The following PHLPP1 variants were observed in gnomAD, a reference collection of about 807,000 sequenced individuals.
The protein encoded by PHLPP1 is PH domain leucine-rich repeat-containing protein phosphatase 1.
PHLPP1 carries 42 observed loss-of-function variants against 117.2 expected under a neutral mutation model. That is an observed-to-expected ratio of 0.36 (90% confidence interval 0.28 to 0.46). The LOEUF is 0.46. Ranked by LOEUF, PHLPP1 falls within the 20% of genes least tolerant of loss-of-function variation. PHLPP1 has a pLI of 1.00. For missense variants in PHLPP1, 2,084 were observed against 2,241.9 expected (o/e 0.93, Z 1.42); for synonymous variants, 1,042 against 970.7 (o/e 1.07, Z -1.37).
In PHLPP1 at chr18:62,789,625, C is replaced by T. The variant is rs539779526; in HGVS notation, c.1577-40410C>T. The stretch of plus-strand genomic sequence containing the variant: ...TCTCACACAGCACAAACCTTCTGCA[C>T]CCTGATGCCTAGTCTCCAGGTACCA... On this transcript the variant is annotated intron_variant, in intron 1 of 16. Transcript: ENST00000262719. Among the ~76,000 whole-genome samples the T allele has an allele frequency of 8.5e-5, 13 of 152,188 alleles. No individual in the cohort carries two copies. In the East Asian group the frequency reaches 2.5e-3, roughly 29 times the overall value.
intron 3 of PHLPP1, among the ~76,000 whole-genome samples, chr18:62,859,876 G>A (rs991437553): frequency 3.3e-5 from 5 of 152,124 alleles, no homozygotes; most frequent in African/African-American, 7.2e-5. Context: ...ATACCCTCCA[G>A]GCAGGGACAT....
chr18:62,770,906 A>G (rs185918680), intron 1 of PHLPP1, among the ~76,000 whole-genome samples: 14 of 152,218 alleles, frequency 9.2e-5, no homozygotes, highest in Admixed American at 9.2e-4. Context: ...CAAAGATGGT[A>G]TATACATTGA....
Position 62,717,275 on chromosome 18 carries a change from G to T in PHLPP1, c.1576+16G>T. The T allele has an allele frequency of 6.5e-7, 1 of 1,542,426 alleles. No homozygotes were observed. Among genetic ancestry groups the T allele is most frequent in the Non-Finnish European group, 8.8e-7 (1 of 1,142,582 alleles). On this transcript the variant is annotated intron_variant, in intron 1 of 16. Coordinates refer to ENST00000262719, the MANE Select transcript of PHLPP1 (RefSeq NM_194449.4). ...TTCTATGCAGGTAAGGAAGTCACCT[G>T]CCTTGACGGGTGGTTGCAAAAGCTG...
rs73478171 is a variant in PHLPP1, at chr18:62,953,389, C to T, written c.3325-5240C>T. Among the ~76,000 whole-genome samples, 708 of 152,264 alleles carry T rather than the reference C, an allele frequency of 4.6e-3. 8 individuals are homozygous for T. The highest frequency in any genetic ancestry group is 0.016 in the African/African-American group (681 of 41,550). On this transcript the variant is annotated intron_variant, in intron 12 of 16. Transcript: ENST00000262719. ...TATTCTTGTCTCCTTCCTGCTGTACCTGCTATTAGCTCTCTCTAGATGTCC... is the reference window on the plus strand; with the variant it reads ...TATTCTTGTCTCCTTCCTGCTGTACTTGCTATTAGCTCTCTCTAGATGTCC...
chr18:62,809,004 G>T (rs1018217138), intron 1 of PHLPP1, among the ~76,000 whole-genome samples: 3 of 152,118 alleles, frequency 2.0e-5, no homozygotes, highest in South Asian at 2.1e-4. Context: ...CTACTGCCAG[G>T]TATAGAGATG....
intron 1 of PHLPP1, among the ~76,000 whole-genome samples, chr18:62,805,833 C>T (rs554664940): frequency 3.8e-4 from 57 of 151,036 alleles, no homozygotes; most frequent in Admixed American, 1.0e-3. Context: ...TGGTGTGTGG[C>T]AGAGGTCAAG....
intron 1 of PHLPP1, among the ~76,000 whole-genome samples, chr18:62,751,979 T>C (rs1245624970): frequency 6.6e-6 from 1 of 152,226 alleles, no homozygotes; most frequent in African/African-American, 2.4e-5. Context: ...TCAGGTCATA[T>C]GAGGGTAGGG....
intron 1 of PHLPP1, among the ~76,000 whole-genome samples, chr18:62,758,539 TA>T (rs72254735): frequency 0.065 from 9,937 of 152,128 alleles, 387 homozygotes; most frequent in Middle Eastern, 0.088. Flanking sequence ...AGCAAGCAAA[TA>T]AAAAAAATTT....
intron 3 of PHLPP1, among the ~76,000 whole-genome samples, chr18:62,849,861 C>T (rs1417687161): frequency 1.8e-5 from 2 of 111,928 alleles, no homozygotes; most frequent in Admixed American, 1.1e-4. Flanking sequence ...GTTTAGTTCC[C>T]ATTACGTACT....
chr18:62,810,019 T>G (rs551140564), intron 1 of PHLPP1, among the ~76,000 whole-genome samples: 22 of 152,326 alleles, frequency 1.4e-4, no homozygotes, highest in African/African-American at 4.6e-4. Context: ...TCTTCGTGGT[T>G]TTTAAGTCTT....
chr18:62,977,610 A>C (rs1425644568), intron 16 of PHLPP1, among the ~76,000 whole-genome samples: 1 of 152,212 alleles, frequency 6.6e-6, no homozygotes. Flanking sequence ...CTTCTTTAGC[A>C]TCTGTTCTCC....
Position 62,717,213 on chromosome 18 carries a change from G to A in PHLPP1, c.1530G>A (p.Glu510=). ...TTGGGGAGCTGTGGAGGGTGCAGGA[G>A]GAAGGCATGGACTCGGAGATTGGCT... ...LGFGELWRVQ[E]EGMDSEIGCL... The change falls in exon 1 of 17, where the codon GAG becomes GAA. Residue 510 remains glutamate, a synonymous_variant. Transcript: ENST00000262719. The A allele has an allele frequency of 6.2e-7, 1 of 1,608,980 alleles. No homozygotes were observed. The highest frequency in any genetic ancestry group is 8.5e-7 in the Non-Finnish European group (1 of 1,176,784).
At chr18:62,956,185 A>C (rs1910606965) in intron 12 of PHLPP1, among the ~76,000 whole-genome samples, 1 of 152,190 alleles carries the variant, frequency 6.6e-6, no homozygotes, top group South Asian at 2.1e-4. Flanking sequence ...CTTAGACTGG[A>C]TAATTTATTA....
chr18:62,922,046 G>A (rs745855917), intron 10 of PHLPP1, among the ~76,000 whole-genome samples: 10 of 152,340 alleles, frequency 6.6e-5, no homozygotes, highest in Admixed American at 1.3e-4. Context: ...CCAGTACTGT[G>A]TCATCCTCCT....
intron 1 of PHLPP1, among the ~76,000 whole-genome samples, chr18:62,822,439 GC>G (rs1384868086): frequency 2.6e-5 from 4 of 151,570 alleles, no homozygotes; most frequent in African/African-American, 9.7e-5. Flanking sequence ...CCGCCACCAC[GC>G]CCAGCTATTT....
chr18:62,753,671 C>T (rs1319252000), intron 1 of PHLPP1, among the ~76,000 whole-genome samples: 1 of 152,150 alleles, frequency 6.6e-6, no homozygotes, highest in Non-Finnish European at 1.5e-5. Flanking sequence ...TCCATGCTGC[C>T]CACTCTAGGA....
chr18:62,970,819 CATT>C (rs1911030317), intron 14 of PHLPP1, among the ~76,000 whole-genome samples: 1 of 152,144 alleles, frequency 6.6e-6, no homozygotes, highest in Non-Finnish European at 1.5e-5. Flanking sequence ...ACCTGGCTGT[CATT>C]ATCGTTGTGC....
intron 1 of PHLPP1, among the ~76,000 whole-genome samples, chr18:62,816,145 A>G (rs1331436161): frequency 6.6e-6 from 1 of 152,158 alleles, no homozygotes; most frequent in Non-Finnish European, 1.5e-5. Context: ...TGTGAATTTA[A>G]GTTTTTTTCT....
chr18:62,894,891 C>G, intron 4 of PHLPP1, 120 bp from the exon 5 acceptor site: 1 of 805,366 alleles, frequency 1.2e-6, no homozygotes, highest in Non-Finnish European at 2.0e-6. Context: ...CTCTGGGGCC[C>G]CCATTTCCTC....
Sources: gnomAD v4.1 joint callset for allele counts (sites outside exome capture counted in the v4.1 genomes callset) on GRCh38, gnomAD v4.1.1 for gene constraint, MANE v1.5 for transcripts, NCBI Gene and HGNC (gene_info 2026-07-23, HGNC 2026-07-21) for gene names.